GRXCR1: variants seen among roughly 807,000 people sequenced by gnomAD.
GRXCR1 encodes the protein glutaredoxin and cysteine rich domain containing 1.
In GRXCR1, 27 loss-of-function variants were observed where a neutral mutation model predicts 27.3. The ratio of observed to expected loss-of-function variants is 0.99; its 90% CI spans 0.73 to 1.37. GRXCR1 has a LOEUF of 1.37. Ranked by LOEUF, GRXCR1 falls within the 40% of genes most tolerant of loss-of-function variation. The pLI, the probability that GRXCR1 is intolerant of heterozygous loss-of-function variation, is 0.00. For synonymous variants in GRXCR1, 122 were observed against 131.1 expected (o/e 0.93, Z 0.47); for missense variants, 379 against 354.4 (o/e 1.07, Z -0.56).
intron 2 of GRXCR1, among the ~76,000 whole-genome samples, chr4:43,011,117 C>G (rs1712735910): frequency 6.6e-6 from 1 of 152,188 alleles, no homozygotes; most frequent in Middle Eastern, 3.2e-3. Context: ...TCTCATCAGC[C>G]TTATTCTCTT....
intron 1 of GRXCR1, among the ~76,000 whole-genome samples, chr4:42,907,630 C>G (rs1207418785): frequency 6.6e-6 from 1 of 152,168 alleles, no homozygotes; most frequent in Non-Finnish European, 1.5e-5. Context: ...GCCAAACAGA[C>G]ATATTTCTCC....
At chr4:42,932,682 C>T (rs1747358616) in intron 1 of GRXCR1, among the ~76,000 whole-genome samples, 1 of 125,018 alleles carries the variant, frequency 8.0e-6, no homozygotes, top group Non-Finnish European at 1.6e-5. Flanking sequence ...TGTACAGGGC[C>T]CTGTGCTATG....
intron 1 of GRXCR1, among the ~76,000 whole-genome samples, chr4:42,941,732 A>G (rs1747628358): frequency 1.3e-5 from 2 of 151,998 alleles, no homozygotes; most frequent in Admixed American, 6.6e-5. Context: ...GGCATTGTGT[A>G]GATCAAGCTT....
chr4:43,013,826 G>A (rs190176787), intron 2 of GRXCR1, among the ~76,000 whole-genome samples: 142 of 152,058 alleles, frequency 9.3e-4, no homozygotes, highest in African/African-American at 3.0e-3. Context: ...TATTAATTCC[G>A]AAGGAATGGG....
intron 2 of GRXCR1, among the ~76,000 whole-genome samples, chr4:42,989,175 T>G (rs1711875887): frequency 1.3e-5 from 2 of 152,196 alleles, no homozygotes; most frequent in African/African-American, 4.8e-5. Context: ...TGCCATAGAC[T>G]GGGTGGCTTA....
In GRXCR1 at chr4:42,892,841, C is replaced by CTAACCTCTGGTTTG. The variant is rs1464236166; in HGVS notation, c.-425_-412dup. On this transcript the variant is annotated 5_prime_UTR_variant, in exon 1 of 4. Transcript: ENST00000399770. ...ACAAACTTGGTTCCACATTTTACCT[C>CTAACCTCTGGTTTG]TAACCTCTGGTTTGGACAATGAATA... 1.3e-5 allele frequency among the ~76,000 whole-genome samples: 2 copies of CTAACCTCTGGTTTG among 152,162 alleles called. No homozygotes were observed. The highest frequency in any genetic ancestry group is 4.8e-5 in the African/African-American group (2 of 41,454).
At chr4:42,902,538 A>T (rs867180418) in intron 1 of GRXCR1, among the ~76,000 whole-genome samples, 17 of 151,394 alleles carry the variant, frequency 1.1e-4, no homozygotes, top group African/African-American at 3.9e-4. Context: ...CATTGATGGC[A>T]TTTAGATAGA....
chr4:43,029,543 G>A (rs1314783670), intron 3 of GRXCR1, among the ~76,000 whole-genome samples: 1 of 152,134 alleles, frequency 6.6e-6, no homozygotes, highest in Non-Finnish European at 1.5e-5. Context: ...AAGGTTATAT[G>A]CTCAGAAAAG....
intron 1 of GRXCR1, among the ~76,000 whole-genome samples, chr4:42,904,600 A>G (rs1303928563): frequency 1.3e-5 from 2 of 152,160 alleles, no homozygotes; most frequent in African/African-American, 4.8e-5. Context: ...TATTGGTCAA[A>G]TGGGGATAAT....
chr4:42,973,425 C>T (rs2109780564), intron 2 of GRXCR1, among the ~76,000 whole-genome samples: 1 of 152,130 alleles, frequency 6.6e-6, no homozygotes, highest in Non-Finnish European at 1.5e-5. Flanking sequence ...TTCACTTTCA[C>T]AGCTCTAATC....
At position 42,992,371 on chromosome 4, in the gene GRXCR1, C is replaced by T. The variant is rs924561147; in HGVS notation, c.628-27983C>T. Among the ~76,000 whole-genome samples, 6 of 152,120 alleles carry T rather than the reference C, an allele frequency of 3.9e-5. No homozygotes were observed. The East Asian group carries it at 1.2e-3, about 29-fold the overall frequency. On this transcript the variant is annotated intron_variant, in intron 2 of 3. Coordinates refer to ENST00000399770, the MANE Select transcript of GRXCR1 (RefSeq NM_001080476.3). ...TCATTTTGTATTAATGCCACTTTCTCTGCACACCAAAGTCACTCTTCATAT... is the reference window on the plus strand; with the variant it reads ...TCATTTTGTATTAATGCCACTTTCTTTGCACACCAAAGTCACTCTTCATAT...
At chr4:43,013,201 ACACATGCACTTGTATGTTCATTACAG>A (rs1317822620) in intron 2 of GRXCR1, among the ~76,000 whole-genome samples, 1 of 152,178 alleles carries the variant, frequency 6.6e-6, no homozygotes, top group Non-Finnish European at 1.5e-5. Context: ...TACCAAAAAG[ACACATGCACTTGTATGTTCATTACAG>A]CACTATTCAC....
intron 1 of GRXCR1, among the ~76,000 whole-genome samples, chr4:42,932,613 TATATATAGAG>T (rs1436058230): frequency 7.1e-4 from 28 of 39,286 alleles, no homozygotes; most frequent in Admixed American, 1.4e-3. Context: ...TATATATATA[TATATATAGAG>T]AGAGAGAGAG....
intron 1 of GRXCR1, among the ~76,000 whole-genome samples, chr4:42,946,856 GATCAT>G (rs1463790527): frequency 6.6e-6 from 1 of 152,144 alleles, no homozygotes; most frequent in African/African-American, 2.4e-5. Context: ...CAGTGTCTAT[GATCAT>G]GTTTCAGATA....
chr4:42,977,556 A>G (rs1019396519), intron 2 of GRXCR1, among the ~76,000 whole-genome samples: 6 of 151,646 alleles, frequency 4.0e-5, no homozygotes, highest in Admixed American at 2.0e-4. Flanking sequence ...TTTCCCTAAC[A>G]ATCAACAATG....
intron 1 of GRXCR1, among the ~76,000 whole-genome samples, chr4:42,919,983 C>A (rs1376313): frequency 0.2 from 30,954 of 152,044 alleles, 3,240 homozygotes; most frequent in South Asian, 0.3. Flanking sequence ...CTGCTCTGTG[C>A]AAAGCATCAT....
At chr4:42,975,191 A>G (rs1748485183) in intron 2 of GRXCR1, among the ~76,000 whole-genome samples, 1 of 152,148 alleles carries the variant, frequency 6.6e-6, no homozygotes, top group Non-Finnish European at 1.5e-5. Context: ...CCAAAAACCA[A>G]AAACCAAAAA....
chr4:42,898,815 G>A (rs959876625), intron 1 of GRXCR1, among the ~76,000 whole-genome samples: 1 of 150,282 alleles, frequency 6.7e-6, no homozygotes, highest in South Asian at 2.1e-4. Flanking sequence ...GTAGTGTTCT[G>A]TCAAGACTAT....
intron 1 of GRXCR1, among the ~76,000 whole-genome samples, chr4:42,922,060 C>T (rs1227818149): frequency 6.6e-6 from 1 of 152,094 alleles, no homozygotes; most frequent in Non-Finnish European, 1.5e-5. Context: ...AAATGGAGGT[C>T]TAGGTTTCCT....
Sources: gnomAD v4.1 joint callset for allele counts (sites outside exome capture counted in the v4.1 genomes callset) on GRCh38, gnomAD v4.1.1 for gene constraint, MANE v1.5 for transcripts, NCBI Gene and HGNC (gene_info 2026-07-23, HGNC 2026-07-21) for gene names.